Variants in RBFOX1 observed in about 807,000 individuals in gnomAD.
RBFOX1 encodes the protein RNA binding protein fox-1 homolog 1.
RBFOX1 carries 8 observed loss-of-function variants against 57.7 expected under a neutral mutation model. The ratio of observed to expected loss-of-function variants is 0.14; its 90% CI spans 0.08 to 0.25. The LOEUF is 0.25. Ranked by LOEUF, RBFOX1 falls within the 10% of genes least tolerant of loss-of-function variation. RBFOX1 has a pLI of 1.00. For synonymous variants in RBFOX1, 326 were observed against 222.4 expected, an observed-to-expected ratio of 1.47 and a Z score of -4.15; for missense variants, 611 against 548.5, an observed-to-expected ratio of 1.11 and a Z score of -1.14.
intron 3 of RBFOX1, among the ~76,000 whole-genome samples, chr16:6,846,657 C>T (rs915393322): frequency 9.2e-5 from 14 of 152,132 alleles, no homozygotes; most frequent in African/African-American, 1.2e-4. Context: ...CATCTACAGA[C>T]GTCAAATAAC....
At chr16:6,904,876 A>T (rs777769111) in intron 3 of RBFOX1, among the ~76,000 whole-genome samples, 1 of 152,106 alleles carries the variant, frequency 6.6e-6, no homozygotes, top group Non-Finnish European at 1.5e-5. Flanking sequence ...GTTTCTCTCT[A>T]TTACACTTTT....
At chr16:5,418,034 T>G (rs949348602) in intron 1 of RBFOX1, among the ~76,000 whole-genome samples, 2 of 152,002 alleles carry the variant, frequency 1.3e-5, no homozygotes, top group Non-Finnish European at 2.9e-5. Context: ...TGAGCTGAGA[T>G]TACTCCATTG....
chr16:6,837,215 C>A (rs2093163984), intron 3 of RBFOX1, among the ~76,000 whole-genome samples: 1 of 152,216 alleles, frequency 6.6e-6, no homozygotes, highest in Non-Finnish European at 1.5e-5. Context: ...AACATACAAA[C>A]TGTGGATCTC....
chr16:5,844,969 G>A lies in RBFOX1; in HGVS notation c.319-22334G>A, dbSNP rs560680480. On this transcript the variant is annotated intron_variant, in intron 3 of 19. Coordinates refer to the RBFOX1 transcript ENST00000641259. Reference sequence around the variant, plus strand: ...TAATTCAATTAGCAGGAATTGTGAGGCATTCATAACACAAGGTATATTAGC... The same window carrying A: ...TAATTCAATTAGCAGGAATTGTGAGACATTCATAACACAAGGTATATTAGC... Among the ~76,000 whole-genome samples, 11 of 152,194 alleles carry A rather than the reference G, an allele frequency of 7.2e-5. No homozygotes were observed. The East Asian group carries it at 1.5e-3, about 21-fold the overall frequency.
chr16:7,086,323 C>G (rs954988824), intron 4 of RBFOX1, among the ~76,000 whole-genome samples: 2 of 152,102 alleles, frequency 1.3e-5, no homozygotes, highest in African/African-American at 2.4e-5. Context: ...CACTAATGGT[C>G]AAAACTCAGA....
At chr16:6,895,443 TG>T (rs2066581033) in intron 3 of RBFOX1, among the ~76,000 whole-genome samples, 1 of 73,168 alleles carries the variant, frequency 1.4e-5, no homozygotes. Flanking sequence ...TGTGTGTGTG[TG>T]TGTGTATATA....
intron 3 of RBFOX1, among the ~76,000 whole-genome samples, chr16:6,863,670 TAAAAAA>T (rs71408411): frequency 2.8e-5 from 3 of 105,536 alleles, no homozygotes; most frequent in Admixed American, 1.1e-4. Flanking sequence ...TTTTTTTCCT[TAAAAAA>T]AAAAAAAGAA....
Position 5,606,506 on chromosome 16 carries a change from T to C in RBFOX1, c.318+7545T>C, listed in dbSNP as rs575109820. ...CTCACTCACCTCCTCTCTCCCTCAC[T>C]TCTCATCTCTTCCTCATTCCACCCC... On this transcript the variant is annotated intron_variant, in intron 3 of 19. Transcript: ENST00000641259. Among the ~76,000 whole-genome samples the C allele has an allele frequency of 2.6e-4, 40 of 152,098 alleles. No homozygotes were observed. The South Asian group carries it at 4.8e-3, about 18-fold the overall frequency.
At chr16:7,131,501 T>C (rs1487848898) in intron 4 of RBFOX1, among the ~76,000 whole-genome samples, 1 of 151,418 alleles carries the variant, frequency 6.6e-6, no homozygotes, top group East Asian at 1.9e-4. Flanking sequence ...AGGGAATGAG[T>C]ACCTGAAAGG....
chr16:5,280,137 A>G (rs2063236813), intron 1 of RBFOX1, among the ~76,000 whole-genome samples: 1 of 152,180 alleles, frequency 6.6e-6, no homozygotes, highest in South Asian at 2.1e-4. Context: ...GAGAGTTTTC[A>G]TTATGAAGGA....
intron 3 of RBFOX1, among the ~76,000 whole-genome samples, chr16:5,622,290 C>T (rs1434082056): frequency 6.6e-6 from 1 of 152,134 alleles, no homozygotes; most frequent in Non-Finnish European, 1.5e-5. Context: ...TTCTGTTTGT[C>T]ATGCTTCTCA....
chr16:5,545,095 G>C (rs1325714128), intron 2 of RBFOX1, among the ~76,000 whole-genome samples: 1 of 151,306 alleles, frequency 6.6e-6, no homozygotes, highest in East Asian at 1.9e-4. Flanking sequence ...TTCTGCCTCA[G>C]CCTTCCGAGT....
intron 3 of RBFOX1, among the ~76,000 whole-genome samples, chr16:6,894,543 AGT>A (rs1279358503): frequency 6.6e-6 from 1 of 152,116 alleles, no homozygotes; most frequent in Non-Finnish European, 1.5e-5. Context: ...GTACTCCCAA[AGT>A]GTACCCCCAA....
chr16:6,680,169 T>G (rs1164596784), intron 3 of RBFOX1, among the ~76,000 whole-genome samples: 4 of 151,974 alleles, frequency 2.6e-5, no homozygotes, highest in Admixed American at 2.0e-4. Context: ...TGAGAAGAGA[T>G]AGAATAGCAA....
At chr16:7,612,974 C>T (rs990138720) in intron 10 of RBFOX1, among the ~76,000 whole-genome samples, 5 of 152,086 alleles carry the variant, frequency 3.3e-5, no homozygotes, top group Non-Finnish European at 5.9e-5. Flanking sequence ...GAGCACCCCG[C>T]CTGCAAAGGG....
At chr16:5,477,808 G>A (rs79754553) in intron 2 of RBFOX1, among the ~76,000 whole-genome samples, 16,051 of 152,162 alleles carry the variant, frequency 0.11, 975 homozygotes, top group East Asian at 0.27. Context: ...GCAAAATGAC[G>A]TGTTGTCTCA....
At chr16:5,391,512 C>T (rs888274161) in intron 1 of RBFOX1, among the ~76,000 whole-genome samples, 2 of 152,114 alleles carry the variant, frequency 1.3e-5, no homozygotes, top group Non-Finnish European at 2.9e-5. Flanking sequence ...GAGAATCTCC[C>T]CATTTTAAGG....
intron 3 of RBFOX1, among the ~76,000 whole-genome samples, chr16:5,701,812 C>A (rs563992234): frequency 1.3e-5 from 2 of 152,158 alleles, no homozygotes; most frequent in Non-Finnish European, 2.9e-5. Flanking sequence ...GTCATCTGGA[C>A]GTTCATCAGG....
chr16:6,535,210 C>G (rs1335047967), intron 2 of RBFOX1, among the ~76,000 whole-genome samples: 6 of 152,194 alleles, frequency 3.9e-5, no homozygotes, highest in African/African-American at 1.4e-4. Context: ...GGAAAATCCT[C>G]TGTTCTAAGC....
Sources: allele counts gnomAD v4.1 joint callset (sites outside exome capture counted in the v4.1 genomes callset), GRCh38; gene constraint gnomAD v4.1.1; transcripts MANE v1.5; gene names NCBI Gene and HGNC (gene_info 2026-07-23, HGNC 2026-07-21).